PECR: variants seen among roughly 807,000 people sequenced by gnomAD.
The protein encoded by PECR is 2,4-dienoyl-CoA reductase-related protein.
A neutral mutation model predicts 35.3 loss-of-function variants in PECR; 30 were observed. That is an observed-to-expected ratio of 0.85 (90% confidence interval 0.64 to 1.15). The LOEUF is 1.15. Among genes scored for constraint, PECR ranks in the 50% most tolerant of loss-of-function variants. The pLI is 0.00. For synonymous variants in PECR, 148 were observed against 138.9 expected, an observed-to-expected ratio of 1.07 and a Z score of -0.46; for missense variants, 392 against 370.8, an observed-to-expected ratio of 1.06 and a Z score of -0.47.
intron 5 of PECR, among the ~76,000 whole-genome samples, chr2:216,049,809 T>C (rs1481112530): frequency 1.3e-5 from 2 of 152,220 alleles, no homozygotes; most frequent in African/African-American, 4.8e-5. Flanking sequence ...TTTACCTAGA[T>C]TGAAATCGCA....
At chr2:216,036,050 G>A (rs1050964738), downstream of PECR, among the ~76,000 whole-genome samples, 8 of 152,350 alleles carry the variant, frequency 5.3e-5, no homozygotes, top group African/African-American at 1.9e-4. Context: ...ATGACTATCT[G>A]GGGGCTATAG....
intron 3 of PECR, among the ~76,000 whole-genome samples, chr2:216,061,722 T>C (rs539037058): frequency 6.0e-4 from 91 of 151,980 alleles, no homozygotes; most frequent in African/African-American, 2.0e-3. Flanking sequence ...TAAAGAGACA[T>C]AAAAAAATGC....
intron 2 of PECR, among the ~76,000 whole-genome samples, chr2:216,065,842 G>A (rs775990662): frequency 6.6e-6 from 1 of 152,172 alleles, no homozygotes; most frequent in Non-Finnish European, 1.5e-5. Flanking sequence ...ATGACTTAAA[G>A]GGCAAGGCAC....
rs1036718275 is a variant in PECR at position 216,067,951 on chromosome 2, G to A, written c.125-1433C>T. Reference sequence around the variant, plus strand: ...CAATTAATAAAAACAGACCCAGGCCGGACGCAGTGGCTCACACCTGTAATC... The same window carrying A: ...CAATTAATAAAAACAGACCCAGGCCAGACGCAGTGGCTCACACCTGTAATC... On this transcript the variant is annotated intron_variant, in intron 1 of 7. Transcript: ENST00000265322. Among the ~76,000 whole-genome samples the A allele has an allele frequency of 2.5e-4, 38 of 151,936 alleles. 1 individual carries two copies. The highest frequency in any genetic ancestry group is 2.5e-3 in the Admixed American group (38 of 15,240).
chr2:216,043,025 GTA>G (rs1185527953), intron 7 of PECR, among the ~76,000 whole-genome samples: 1,843 of 127,170 alleles, frequency 0.014, 54 homozygotes, highest in Non-Finnish European at 0.023. Flanking sequence ...ATACACATAC[GTA>G]TATATGTATG....
In PECR at chr2:216,029,312, T is replaced by C. The variant is rs568527347; in HGVS notation, c.*440+9879A>G. On this transcript the variant is annotated intron_variant and NMD_transcript_variant, in intron 7 of 7. Coordinates refer to the PECR transcript ENST00000442122. ...CGCCAACATGGTGAAACCCTGTCTC[T>C]ATTAAAAATACAAAAATTAGCTGGG... Among the ~76,000 whole-genome samples, 297 of 152,168 alleles carry C rather than the reference T, an allele frequency of 2.0e-3. 2 individuals are homozygous for C. Among genetic ancestry groups the C allele is most frequent in the African/African-American group, 6.7e-3 (279 of 41,500 alleles).
At position 216,043,093 on chromosome 2, in the gene PECR, A is replaced by ACG. The variant is rs200319332; in HGVS notation, c.826+810_826+811insCG. Among the ~76,000 whole-genome samples, 74 of 136,956 alleles carry ACG rather than the reference A, an allele frequency of 5.4e-4. 1 individual carries two copies. The highest frequency in any genetic ancestry group is 3.8e-3 in the Middle Eastern group (1 of 262). The allele number at this position is 136,956 out of a possible 152,430, so 89.8% of individuals were successfully genotyped here. A position where few individuals can be genotyped will look rare whatever the true frequency, so the allele number is the denominator to read the frequency against. On this transcript the variant is annotated intron_variant, in intron 7 of 7. Transcript: ENST00000265322. ...TATGTATATATATACACATACATAT[A>ACG]TATGTATGCGTATATATATATATTT...
At chr2:216,034,409 CTAT>C (rs1694761345), downstream of PECR, among the ~76,000 whole-genome samples, 1 of 152,198 alleles carries the variant, frequency 6.6e-6, no homozygotes, top group African/African-American at 2.4e-5. Context: ...TCCATCTAGG[CTAT>C]TCCCTTGGGA....
chr2:216,034,659 A>G (rs1466065661), downstream of PECR, among the ~76,000 whole-genome samples: 8 of 152,112 alleles, frequency 5.3e-5, no homozygotes, highest in Non-Finnish European at 1.5e-5. Context: ...TGGTATCTAC[A>G]ATGGAATGAA....
At chr2:216,037,604 A>G (rs931583749), downstream of PECR, among the ~76,000 whole-genome samples, 1 of 152,162 alleles carries the variant, frequency 6.6e-6, no homozygotes, top group Admixed American at 6.5e-5. Context: ...AAATTGAAGG[A>G]CACACTCACT....
chr2:216,079,406 C>A (rs1051160435), intron 1 of PECR, among the ~76,000 whole-genome samples: 4 of 149,512 alleles, frequency 2.7e-5, no homozygotes, highest in African/African-American at 9.8e-5. Context: ...CTTGCTCTGT[C>A]GCCCAGGCTG....
At chr2:216,071,167 C>T (rs923427304) in intron 1 of PECR, among the ~76,000 whole-genome samples, 4 of 152,220 alleles carry the variant, frequency 2.6e-5, no homozygotes, top group Non-Finnish European at 4.4e-5. Flanking sequence ...ACCTTGAGGG[C>T]ACCCACACAG....
chr2:216,046,312 T>TATATATA lies in PECR; in HGVS notation c.715-2298_715-2297insTATATAT, dbSNP rs1559209240. On this transcript the variant is annotated intron_variant, in intron 6 of 7. Coordinates refer to ENST00000265322, the MANE Select transcript of PECR (RefSeq NM_018441.6). ...TACATACATATATATATATATATAT[T>TATATATA]TTTTTTTTTTTTTTTTTTGAGAAGG... 1.1e-4 allele frequency among the ~76,000 whole-genome samples: 8 copies of TATATATA among 73,854 alleles called. No homozygotes were observed. The South Asian group carries it at 1.2e-3, about 11-fold the overall frequency. 48.5% of individuals were successfully genotyped at this position (73,854 alleles called of 152,430 possible). A position where few individuals can be genotyped will look rare whatever the true frequency, so the allele number is the denominator to read the frequency against.
intron 6 of PECR, 69 bp downstream of exon 6, chr2:216,049,194 T>C: frequency 1.2e-6 from 1 of 819,468 alleles, no homozygotes; most frequent in Non-Finnish European, 2.2e-6. Context: ...CGCATAAAAA[T>C]GACACTGAAT....
intron 1 of PECR, among the ~76,000 whole-genome samples, chr2:216,079,050 C>T (rs941326024): frequency 2.0e-5 from 3 of 151,824 alleles, no homozygotes; most frequent in Non-Finnish European, 2.9e-5. Flanking sequence ...TTCTGATTTT[C>T]TTACAGATAT....
intron 4 of PECR, among the ~76,000 whole-genome samples, chr2:216,055,376 G>A (rs1441700503): frequency 1.3e-5 from 2 of 151,290 alleles, no homozygotes; most frequent in African/African-American, 2.4e-5. Flanking sequence ...GGCGGAGGTT[G>A]TGGTGAGCTG....
intron 3 of PECR, among the ~76,000 whole-genome samples, chr2:216,063,537 G>T (rs1010448865): frequency 2.0e-5 from 3 of 151,954 alleles, no homozygotes; most frequent in Admixed American, 2.0e-4. Flanking sequence ...AAAATTGCTT[G>T]AACCCAGGAG....
At chr2:216,035,447 C>T (rs1403700521), downstream of PECR, among the ~76,000 whole-genome samples, 1 of 151,744 alleles carries the variant, frequency 6.6e-6, no homozygotes, top group Non-Finnish European at 1.5e-5. Flanking sequence ...CCTCCCTACT[C>T]AATCTGGGTG....
intron 3 of PECR, among the ~76,000 whole-genome samples, chr2:216,062,134 C>A (rs1023141647): frequency 4.0e-5 from 6 of 151,400 alleles, no homozygotes; most frequent in African/African-American, 7.3e-5. Flanking sequence ...CAACCTCCAT[C>A]TCCCAGGTTC....
Sources: allele counts gnomAD v4.1 joint callset (sites outside exome capture counted in the v4.1 genomes callset), GRCh38; gene constraint gnomAD v4.1.1; transcripts MANE v1.5; gene names NCBI Gene and HGNC (gene_info 2026-07-23, HGNC 2026-07-21).